Variants in SUPV3L1 observed in about 807,000 individuals in gnomAD.
SUPV3L1 encodes the protein Suv3 like RNA helicase.
A neutral mutation model predicts 70.0 loss-of-function variants in SUPV3L1; 35 were observed. That is an observed-to-expected ratio of 0.50 (90% CI 0.38 to 0.66). SUPV3L1 has a LOEUF of 0.66. Among genes scored for constraint, SUPV3L1 ranks in the 30% least tolerant of loss-of-function variants. The pLI, the probability that SUPV3L1 is intolerant of heterozygous loss-of-function variation, is 0.00. For missense variants in SUPV3L1, 777 were observed against 961.5 expected, an observed-to-expected ratio of 0.81 and a Z score of 2.54; for synonymous variants, 364 against 341.9, an observed-to-expected ratio of 1.06 and a Z score of -0.71.
At position 69,202,917 on chromosome 10, in the gene SUPV3L1, T is replaced by C; in HGVS notation, c.1650T>C (p.Asn550=). The C allele has an allele frequency of 6.2e-7, 1 of 1,613,994 alleles. No individual in the cohort carries two copies. Among genetic ancestry groups the C allele is most frequent in the Non-Finnish European group, 8.5e-7 (1 of 1,179,970 alleles). ...SQVDGQYFVC[N]MDDFKFSAEL... ...TTGATGGGCAGTATTTTGTCTGCAA[T>C]ATGGATGATTTTAAATTTTCTGCAG... The change falls in exon 13 of 15, where the codon AAT becomes AAC. Residue 550 remains asparagine (N), a synonymous_variant. Transcript: ENST00000359655.
chr10:69,180,443 C>T lies in SUPV3L1; in HGVS notation c.152C>T (p.Ser51Phe). 1 of 1,614,262 alleles carries T rather than the reference C, an allele frequency of 6.2e-7. No homozygotes were observed. The highest frequency in any genetic ancestry group is 8.5e-7 in the Non-Finnish European group (1 of 1,180,048). ...TCTGTCCTTGCCACCGCCTCCTCCT[C>T]TGCCTCCGGTGGCTCCAAAATACCA... ...QVSVLATASS[S>F]ASGGSKIPNT... The change falls in exon 1 of 15, where the codon TCT becomes TTT. Residue 51 changes from serine to phenylalanine, a missense_variant. Ser to Phe is a radical substitution (Grantham distance 155). Transcript: ENST00000359655.
intron 5 of SUPV3L1, among the ~76,000 whole-genome samples, chr10:69,191,082 A>C (rs556000686): frequency 7.9e-5 from 12 of 152,360 alleles, no homozygotes; most frequent in African/African-American, 2.6e-4. Context: ...AGAGATGTAC[A>C]AAGTTAAAAT....
chr10:69,196,323 C>A (rs1464827298), intron 7 of SUPV3L1, among the ~76,000 whole-genome samples: 2 of 152,070 alleles, frequency 1.3e-5, no homozygotes, highest in East Asian at 3.9e-4. Flanking sequence ...GAAACCCTGT[C>A]TCTACTAAAA....
chr10:69,202,312 C>G lies in SUPV3L1; in HGVS notation c.1519-127C>G. On this transcript the variant is annotated intron_variant, in intron 11 of 14. Transcript: ENST00000359655. The stretch of plus-strand genomic sequence containing the variant: ...ATATTTTTTCTCTTTTACTCAAATT[C>G]TTGGCATTTACTTCATATGGTGAGA... 3.4e-6 allele frequency: 2 copies of G among 596,790 alleles called. 1 individual carries two copies. The highest frequency in any genetic ancestry group is 5.4e-5 in the South Asian group (2 of 36,774). The allele number at this position is 596,790 out of a possible 1,614,324, so 37.0% of individuals were successfully genotyped here.
rs574553948 is a variant in SUPV3L1 at position 69,186,955 on chromosome 10, A to G, written c.457+405A>G. Among the ~76,000 whole-genome samples the G allele has an allele frequency of 5.9e-5, 9 of 152,252 alleles. No individual in the cohort carries two copies. The South Asian group carries it at 1.5e-3, about 25-fold the overall frequency. On this transcript the variant is annotated intron_variant, in intron 3 of 14. Transcript: ENST00000359655. Reference sequence around the variant, plus strand: ...ACAGGCAGTTTGGCTTTGGTTATGTATTTGACTCTTAGACCTGTACCTTGT... The same window carrying G: ...ACAGGCAGTTTGGCTTTGGTTATGTGTTTGACTCTTAGACCTGTACCTTGT...
chr10:69,202,086 A>G (rs559959441), intron 11 of SUPV3L1, among the ~76,000 whole-genome samples: 9 of 151,896 alleles, frequency 5.9e-5, no homozygotes, highest in South Asian at 4.2e-4. Flanking sequence ...TGATCCGCCC[A>G]CCTTGGCCTC....
intron 10 of SUPV3L1, among the ~76,000 whole-genome samples, chr10:69,200,016 T>C (rs550500593): frequency 9.9e-5 from 15 of 151,876 alleles, no homozygotes; most frequent in Admixed American, 2.0e-4. Context: ...GCTGATGTTT[T>C]TAATTTTTTG....
In SUPV3L1 at chr10:69,199,110, A is replaced by G; in HGVS notation, c.1211A>G (p.Lys404Arg). 1 of 1,611,050 alleles carries G rather than the reference A, an allele frequency of 6.2e-7. No individual in the cohort carries two copies. The highest frequency in any genetic ancestry group is 8.5e-7 in the Non-Finnish European group (1 of 1,179,096). Residue 404 changes from lysine to arginine, a missense_variant, in exon 10 of 15, where the codon AAA (lysine) becomes AGA (arginine). Around this residue, in one of 2 missense-constraint regions of SUPV3L1, gnomAD observed 619 missense variants for 823.3 expected, o/e 0.75. Transcript: ENST00000359655. ...VIYGSLPPGT[K>R]LAQAKKFNDP... ...TAAATTGTTCTTGTTTTAGGGACCA[A>G]ACTTGCTCAAGCAAAAAAGTTTAAT...
chr10:69,207,176 T>C (rs1346176321), intron 13 of SUPV3L1, among the ~76,000 whole-genome samples: 1 of 152,122 alleles, frequency 6.6e-6, no homozygotes, highest in East Asian at 1.9e-4. Flanking sequence ...ACTTAGGCCC[T>C]GGAAAGTTAG....
intron 7 of SUPV3L1, among the ~76,000 whole-genome samples, chr10:69,196,097 G>A (rs2132289391): frequency 1.3e-5 from 2 of 152,260 alleles, no homozygotes; most frequent in Admixed American, 1.3e-4. Context: ...TGTAAGTGGA[G>A]TTCTTGAGGT....
In SUPV3L1 at chr10:69,191,761, C is replaced by G. The variant is rs780611157; in HGVS notation, c.848C>G (p.Thr283Ser). ...SCTVEMCSVT[T>S]PYEVAVIDEI... ...ACAGTTGAGATGTGCAGTGTTACAA[C>G]TCCTTGTATGTATATGCTGTTTAAG... Residue 283 changes from threonine to serine, a missense_variant, in exon 6 of 15, where the codon ACT becomes AGT. Physicochemically the swap from Thr to Ser is moderately conservative, Grantham distance 58. This residue lies in a region of SUPV3L1 where 619 missense variants were observed against 823.3 expected (regional missense o/e 0.75). Transcript: ENST00000359655. The G allele has an allele frequency of 7.4e-6, 12 of 1,611,246 alleles. No homozygotes were observed. The highest frequency in any genetic ancestry group is 1.0e-5 in the Non-Finnish European group (12 of 1,177,844).
At position 69,197,101 on chromosome 10, in the gene SUPV3L1, T is replaced by C. The variant is rs374244240; in HGVS notation, c.1023+18T>C. On this transcript the variant is annotated intron_variant, in intron 8 of 14. Transcript: ENST00000359655. ...AAGTGGAGGTATTCGATTAGATGCTTTGTTCTCCAGGTGGCATATCAAATA... is the reference window on the plus strand; with the variant it reads ...AAGTGGAGGTATTCGATTAGATGCTCTGTTCTCCAGGTGGCATATCAAATA... 12 of 1,610,338 alleles carry C rather than the reference T, an allele frequency of 7.5e-6. No homozygotes were observed. Among genetic ancestry groups the C allele is most frequent in the Non-Finnish European group, 1.0e-5 (12 of 1,176,690 alleles).
intron 8 of SUPV3L1, among the ~76,000 whole-genome samples, chr10:69,197,911 A>AGAGAT (rs1842583854): frequency 6.6e-6 from 1 of 152,138 alleles, no homozygotes; most frequent in Admixed American, 6.5e-5. Flanking sequence ...GTTTTCAAGG[A>AGAGAT]GAGATAGTGG....
chr10:69,190,835 A>C (rs138589486), intron 5 of SUPV3L1, among the ~76,000 whole-genome samples: 82 of 152,300 alleles, frequency 5.4e-4, no homozygotes, highest in African/African-American at 1.8e-3. Context: ...GATTCAGGCT[A>C]TTATGATGAC....
chr10:69,187,613 A>C, intron 3 of SUPV3L1, 29 bp from the exon 4 acceptor site: 2 of 1,441,848 alleles, frequency 1.4e-6, no homozygotes, highest in Non-Finnish European at 1.9e-6. Context: ...TGTAGATTGC[A>C]CATGTTAATA....
chr10:69,195,341 G>T, intron 7 of SUPV3L1, 76 bp downstream of exon 7: 1 of 1,166,344 alleles, frequency 8.6e-7, no homozygotes. Flanking sequence ...GCTTGCCATT[G>T]CCAACCAAAT....
At position 69,208,756 on chromosome 10, in the gene SUPV3L1, G is replaced by A; in HGVS notation, c.2082G>A (p.Gly694=). 1 of 1,614,132 alleles carries A rather than the reference G, an allele frequency of 6.2e-7. No homozygotes were observed. The highest frequency in any genetic ancestry group is 1.6e-4 in the Middle Eastern group (1 of 6,062). ...KLLNLEGFPS[G]SQSRLSGTLK... ...TGAATTTGGAGGGCTTTCCATCAGGGAGCCAGTCACGATTGTCAGGAACCT... is the reference window on the plus strand; with the variant it reads ...TGAATTTGGAGGGCTTTCCATCAGGAAGCCAGTCACGATTGTCAGGAACCT... The change falls in exon 15 of 15, where the codon GGG becomes GGA. Residue 694 remains glycine (G), a synonymous_variant. Coordinates refer to ENST00000359655, the MANE Select transcript of SUPV3L1 (RefSeq NM_003171.5).
Position 69,180,474 on chromosome 10 carries a change from G to A in SUPV3L1, c.183G>A (p.Thr61=), listed in dbSNP as rs1842022141. The A allele has an allele frequency of 1.2e-6, 2 of 1,614,212 alleles. No individual in the cohort carries two copies. Among genetic ancestry groups the A allele is most frequent in the Non-Finnish European group, 1.7e-6 (2 of 1,180,032 alleles). Residue 61 remains threonine, a synonymous_variant, in exon 1 of 15, where the codon ACG becomes ACA. Transcript: ENST00000359655. The part of the protein sequence containing the change: ...SASGGSKIPN[T]SLFVPLTVKP... Reference sequence around the variant, plus strand: ...CCGGTGGCTCCAAAATACCAAACACGTCCTTGTTCGTGCCCCTGACTGTGA... The same window carrying A: ...CCGGTGGCTCCAAAATACCAAACACATCCTTGTTCGTGCCCCTGACTGTGA...
rs35634841 is a variant in SUPV3L1, at chr10:69,201,537, CT to C, written c.1519-887del. Among the ~76,000 whole-genome samples the C allele has an allele frequency of 4.5e-3, 621 of 137,486 alleles. 4 individuals are homozygous for C. The highest frequency in any genetic ancestry group is 9.8e-3 in the East Asian group (47 of 4,780). 90.2% of individuals were successfully genotyped at this position (137,486 alleles called of 152,430 possible). ...ACCCTGGAAAACAGGTTTTTCTTTC[CT>C]TTTTTTTTTTTTTTGAGATAGTGTT... On this transcript the variant is annotated intron_variant, in intron 11 of 14. Coordinates refer to ENST00000359655, the MANE Select transcript of SUPV3L1 (RefSeq NM_003171.5).
Sources: allele counts gnomAD v4.1 joint callset (sites outside exome capture counted in the v4.1 genomes callset), GRCh38; gene constraint gnomAD v4.1.1; regional missense constraint gnomAD v4.1.1; transcripts MANE v1.5; gene names NCBI Gene and HGNC (gene_info 2026-07-23, HGNC 2026-07-21).